Variants in PTPRD observed in about 807,000 individuals in gnomAD.
PTPRD encodes receptor-type tyrosine-protein phosphatase delta.
A neutral mutation model predicts 214.5 loss-of-function variants in PTPRD; 34 were observed. That is an observed-to-expected ratio of 0.16 (90% CI 0.12 to 0.21). PTPRD has a LOEUF of 0.21. Ranked by LOEUF, PTPRD falls within the 10% of genes least tolerant of loss-of-function variation. The pLI is 1.00. For synonymous variants in PTPRD, 1,128 were observed against 845.7 expected (o/e 1.33, Z -5.79); for missense variants, 2,545 against 2,398.7 (o/e 1.06, Z -1.27).
chr9:10,602,560 G>A (rs2078256289), intron 2 of PTPRD, among the ~76,000 whole-genome samples: 1 of 151,702 alleles, frequency 6.6e-6, no homozygotes, highest in Non-Finnish European at 1.5e-5. Flanking sequence ...CAACGTATGA[G>A]AAAGACAAAT....
intron 35 of PTPRD, among the ~76,000 whole-genome samples, chr9:8,412,344 T>C (rs1001912778): frequency 1.3e-5 from 2 of 152,184 alleles, no homozygotes; most frequent in African/African-American, 4.8e-5. Flanking sequence ...CAAAATTATC[T>C]AGCAAATACA....
At chr9:9,394,966 G>A (rs1241457950) in intron 9 of PTPRD, among the ~76,000 whole-genome samples, 1 of 152,054 alleles carries the variant, frequency 6.6e-6, no homozygotes. Flanking sequence ...AATAATGCAT[G>A]TTCAGGTACC....
intron 2 of PTPRD, among the ~76,000 whole-genome samples, chr9:10,395,811 G>T (rs563333384): frequency 2.0e-5 from 3 of 151,934 alleles, no homozygotes; most frequent in East Asian, 2.0e-4. Context: ...GGAAGGAAAA[G>T]GCAAACAAAA....
intron 11 of PTPRD, among the ~76,000 whole-genome samples, chr9:8,785,682 T>A (rs530418584): frequency 6.6e-6 from 1 of 152,318 alleles, no homozygotes; most frequent in Admixed American, 6.5e-5. Flanking sequence ...TGAAGCCATA[T>A]AAAAGTACTG....
At chr9:9,359,149 G>A (rs2055009611) in intron 9 of PTPRD, among the ~76,000 whole-genome samples, 1 of 151,200 alleles carries the variant, frequency 6.6e-6, no homozygotes, top group Admixed American at 6.6e-5. Flanking sequence ...TTCCTTCATT[G>A]TATGAACCTA....
At chr9:8,389,164 TA>T in intron 37 of PTPRD, 67 bp downstream of exon 37, 1 of 1,388,298 alleles carries the variant, frequency 7.2e-7, no homozygotes, top group Non-Finnish European at 9.8e-7. Flanking sequence ...CTGAACAGAA[TA>T]AAATATGCAA....
intron 12 of PTPRD, among the ~76,000 whole-genome samples, chr9:8,643,108 G>C (rs2096612663): frequency 6.6e-6 from 1 of 150,830 alleles, no homozygotes; most frequent in Non-Finnish European, 1.5e-5. Context: ...CAAAAAAATT[G>C]TTTATGGTAT....
intron 9 of PTPRD, among the ~76,000 whole-genome samples, chr9:9,336,361 G>A (rs1595970673): frequency 6.6e-6 from 1 of 152,094 alleles, no homozygotes; most frequent in Admixed American, 6.6e-5. Flanking sequence ...AGAATGTTGT[G>A]CTATCAACTT....
chr9:9,695,979 T>A (rs2097366295), intron 7 of PTPRD, among the ~76,000 whole-genome samples: 3 of 152,208 alleles, frequency 2.0e-5, no homozygotes, highest in Admixed American at 1.3e-4. Context: ...TGGTGTTAGT[T>A]CGTAAATATT....
At chr9:8,861,349 G>A (rs1186010316) in intron 11 of PTPRD, 1 of 152,198 alleles carries the variant, frequency 6.6e-6, no homozygotes, top group Non-Finnish European at 1.5e-5. Flanking sequence ...TGCGAATCTA[G>A]TGGGTCATAA....
intron 11 of PTPRD, among the ~76,000 whole-genome samples, chr9:8,948,766 G>C (rs2099086178): frequency 6.7e-6 from 1 of 149,808 alleles, no homozygotes; most frequent in African/African-American, 2.5e-5. Context: ...TCCTACTTAT[G>C]GAGTGAGTGA....
intron 12 of PTPRD, among the ~76,000 whole-genome samples, chr9:8,647,044 G>T (rs1564958931): frequency 6.6e-6 from 1 of 152,190 alleles, no homozygotes; most frequent in African/African-American, 2.4e-5. Context: ...ACATTGATAT[G>T]ACATAGTGAG....
intron 2 of PTPRD, among the ~76,000 whole-genome samples, chr9:10,474,205 A>G (rs1277560083): frequency 6.6e-6 from 1 of 152,052 alleles, no homozygotes; most frequent in Non-Finnish European, 1.5e-5. Flanking sequence ...GGAGAGAGTC[A>G]AGATTCATCA....
intron 5 of PTPRD, among the ~76,000 whole-genome samples, chr9:9,908,867 G>C (rs2078378134): frequency 6.6e-6 from 1 of 151,858 alleles, no homozygotes; most frequent in African/African-American, 2.4e-5. Context: ...TTGGTATCTA[G>C]GTCGGTAACA....
At chr9:9,839,075 G>A (rs1326480536) in intron 5 of PTPRD, among the ~76,000 whole-genome samples, 1 of 152,104 alleles carries the variant, frequency 6.6e-6, no homozygotes, top group Admixed American at 6.6e-5. Flanking sequence ...TCAGATAGTT[G>A]TAGATATGCG....
At chr9:8,744,672 TA>T (rs576681211) in intron 11 of PTPRD, among the ~76,000 whole-genome samples, 10 of 152,166 alleles carry the variant, frequency 6.6e-5, no homozygotes, top group Non-Finnish European at 1.3e-4. Context: ...GGGTGAGGGA[TA>T]AAAGATTACA....
chr9:9,759,615 T>A (rs185648439), intron 6 of PTPRD, among the ~76,000 whole-genome samples: 287 of 146,752 alleles, frequency 2.0e-3, no homozygotes, highest in Middle Eastern at 3.7e-3. Flanking sequence ...TGAAGTGTAG[T>A]GACGCGATCT....
intron 10 of PTPRD, among the ~76,000 whole-genome samples, chr9:9,081,383 T>G (rs1247895106): frequency 1.3e-5 from 2 of 152,112 alleles, no homozygotes; most frequent in Non-Finnish European, 2.9e-5. Context: ...TTTCCATTCT[T>G]TTGCATTTGC....
chr9:8,522,708 G>A (rs1055231044), intron 19 of PTPRD, among the ~76,000 whole-genome samples: 1 of 152,140 alleles, frequency 6.6e-6, no homozygotes, highest in African/African-American at 2.4e-5. Flanking sequence ...ATGTGTTTTG[G>A]ATGTGATACA....
Sources: allele counts gnomAD v4.1 joint callset (sites outside exome capture counted in the v4.1 genomes callset), GRCh38; gene constraint gnomAD v4.1.1; transcripts MANE v1.5; gene names NCBI Gene and HGNC (gene_info 2026-07-23, HGNC 2026-07-21).